Variants in PTPRM observed in about 807,000 individuals in gnomAD.
PTPRM encodes the protein receptor-type tyrosine-protein phosphatase mu.
Under a neutral mutation model 186.7 loss-of-function variants are expected in PTPRM, and 47 were observed. The ratio of observed to expected loss-of-function variants is 0.25; its 90% CI spans 0.20 to 0.32. The LOEUF (loss-of-function observed/expected upper bound fraction) is 0.32. Among genes scored for constraint, PTPRM ranks in the 10% least tolerant of loss-of-function variants. PTPRM has a pLI of 1.00. For missense variants in PTPRM, 1,494 were observed against 1,865.0 expected (o/e 0.80, Z 3.66); for synonymous variants, 668 against 674.9 (o/e 0.99, Z 0.16).
At chr18:8,099,688 C>A (rs1278346248) in intron 11 of PTPRM, among the ~76,000 whole-genome samples, 2 of 152,166 alleles carry the variant, frequency 1.3e-5, no homozygotes, top group African/African-American at 4.8e-5. Context: ...CCAGTTCCCA[C>A]CAAATGACTG....
chr18:8,351,091 C>A (rs1023950390), intron 23 of PTPRM, among the ~76,000 whole-genome samples: 5 of 152,156 alleles, frequency 3.3e-5, no homozygotes, highest in African/African-American at 1.2e-4. Flanking sequence ...AGGGACAGCA[C>A]CTCCTTGCCT....
At chr18:7,672,446 A>G (rs1357717876) in intron 1 of PTPRM, among the ~76,000 whole-genome samples, 1 of 152,234 alleles carries the variant, frequency 6.6e-6, no homozygotes, top group Non-Finnish European at 1.5e-5. Flanking sequence ...GCATTAAGAC[A>G]TGGTTTTACT....
intron 7 of PTPRM, among the ~76,000 whole-genome samples, chr18:7,997,627 T>C (rs1288124323): frequency 1.3e-5 from 2 of 152,116 alleles, no homozygotes; most frequent in Non-Finnish European, 2.9e-5. Flanking sequence ...AATCTATCCA[T>C]TGGATAAGTA....
intron 14 of PTPRM, among the ~76,000 whole-genome samples, chr18:8,191,846 G>A (rs1370423864): frequency 2.0e-5 from 3 of 152,086 alleles, no homozygotes; most frequent in Non-Finnish European, 4.4e-5. Flanking sequence ...CTCACCCTGA[G>A]ATTGTATATA....
At chr18:7,571,361 AG>A (rs2036563111) in intron 1 of PTPRM, among the ~76,000 whole-genome samples, 1 of 152,248 alleles carries the variant, frequency 6.6e-6, no homozygotes, top group Admixed American at 6.5e-5. Context: ...TATATAAGTA[AG>A]ACATGAGAAA....
chr18:7,777,894 A>C (rs2042668443), intron 2 of PTPRM, among the ~76,000 whole-genome samples: 1 of 152,186 alleles, frequency 6.6e-6, no homozygotes, highest in South Asian at 2.1e-4. Flanking sequence ...CATGCCTGTC[A>C]TGCTAGCACT....
intron 1 of PTPRM, among the ~76,000 whole-genome samples, chr18:7,734,275 A>G (rs2040722514): frequency 6.6e-6 from 1 of 152,176 alleles, no homozygotes; most frequent in South Asian, 2.1e-4. Flanking sequence ...GATCTACAGG[A>G]AAAGAAGGAA....
chr18:8,187,432 G>T (rs906950707), intron 14 of PTPRM, among the ~76,000 whole-genome samples: 1 of 152,236 alleles, frequency 6.6e-6, no homozygotes, highest in Non-Finnish European at 1.5e-5. Flanking sequence ...GGGCAAGGCG[G>T]TGGCAGACGT....
chr18:7,798,935 G>A (rs1017538811), intron 2 of PTPRM, among the ~76,000 whole-genome samples: 3 of 152,066 alleles, frequency 2.0e-5, no homozygotes, highest in Admixed American at 6.6e-5. Flanking sequence ...TTTTTGCACC[G>A]GTAATTACAC....
At chr18:8,170,912 A>G (rs1272157155) in intron 14 of PTPRM, among the ~76,000 whole-genome samples, 1 of 152,234 alleles carries the variant, frequency 6.6e-6, no homozygotes, top group Admixed American at 6.5e-5. Context: ...CCATTCATCC[A>G]TACTTACTTC....
At chr18:7,669,461 C>T (rs2039168843) in intron 1 of PTPRM, among the ~76,000 whole-genome samples, 1 of 152,178 alleles carries the variant, frequency 6.6e-6, no homozygotes, top group African/African-American at 2.4e-5. Flanking sequence ...GTTTCTAGAG[C>T]AGCATTGATT....
At chr18:7,972,462 T>A (rs868192068) in intron 7 of PTPRM, among the ~76,000 whole-genome samples, 677 of 45,278 alleles carry the variant, frequency 0.015, 42 homozygotes, top group African/African-American at 0.081. Flanking sequence ...AAAGTATAAT[T>A]AAAAAAAAAA....
intron 5 of PTPRM, among the ~76,000 whole-genome samples, chr18:7,939,279 CCCTG>C (rs66482735): frequency 0.21 from 31,982 of 151,972 alleles, 3,620 homozygotes; most frequent in African/African-American, 0.28. Context: ...GCTCAGAGCT[CCCTG>C]CCTGATGCCT....
intron 1 of PTPRM, among the ~76,000 whole-genome samples, chr18:7,577,092 C>G (rs535557446): frequency 1.3e-5 from 2 of 150,100 alleles, no homozygotes; most frequent in East Asian, 3.9e-4. Flanking sequence ...TTTTTTTTTT[C>G]CTACTTCCTA....
At chr18:8,202,044 A>C (rs1341437099) in intron 14 of PTPRM, among the ~76,000 whole-genome samples, 1 of 152,338 alleles carries the variant, frequency 6.6e-6, no homozygotes, top group Admixed American at 6.5e-5. Flanking sequence ...CTTAAACAAC[A>C]TAAAACATTT....
At chr18:7,569,720 C>A (rs1003513994) in intron 1 of PTPRM, among the ~76,000 whole-genome samples, 6 of 152,182 alleles carry the variant, frequency 3.9e-5, no homozygotes, top group African/African-American at 1.4e-4. Flanking sequence ...GGATTTCAGC[C>A]TCAGTTGTAC....
intron 14 of PTPRM, among the ~76,000 whole-genome samples, chr18:8,206,538 G>C (rs1242245362): frequency 6.6e-6 from 1 of 152,066 alleles, no homozygotes; most frequent in African/African-American, 2.4e-5. Context: ...GTGAACCACC[G>C]CGCCTGGCCC....
intron 20 of PTPRM, among the ~76,000 whole-genome samples, chr18:8,308,437 G>A (rs555997390): frequency 1.3e-5 from 2 of 152,248 alleles, no homozygotes; most frequent in South Asian, 4.1e-4. Flanking sequence ...ATATTAAATT[G>A]TCCTTAAATC....
At chr18:7,998,197 G>A (rs563865391) in intron 7 of PTPRM, among the ~76,000 whole-genome samples, 2 of 152,020 alleles carry the variant, frequency 1.3e-5, no homozygotes, top group African/African-American at 4.8e-5. Context: ...ATATTATTCT[G>A]CCATTAAAAA....
Sources: allele counts gnomAD v4.1 joint callset (sites outside exome capture counted in the v4.1 genomes callset), GRCh38; gene constraint gnomAD v4.1.1; transcripts MANE v1.5; gene names NCBI Gene and HGNC (gene_info 2026-07-23, HGNC 2026-07-21).